The following PCDHGA8 variants were observed in gnomAD, a reference collection of about 807,000 sequenced individuals.
The protein encoded by PCDHGA8 is protocadherin gamma subfamily A, 8.
PCDHGA8 carries 45 observed loss-of-function variants against 59.2 expected under a neutral mutation model. That is an observed-to-expected ratio of 0.76 (90% CI 0.60 to 0.98). The LOEUF is 0.98. PCDHGA8 is among the 50% of genes least tolerant of loss of function. The probability of loss-of-function intolerance (pLI) is 0.00; values close to 1 mark genes in which losing one functional copy is unlikely to be tolerated. For synonymous variants in PCDHGA8, 531 were observed against 519.0 expected (o/e 1.02, Z -0.32); for missense variants, 1,257 against 1,196.2 (o/e 1.05, Z -0.75).
chr5:141,455,928 C>T (rs1160778812), intron 1 of PCDHGA8, among the ~76,000 whole-genome samples: 3 of 151,158 alleles, frequency 2.0e-5, no homozygotes, highest in African/African-American at 4.9e-5. Context: ...GACGGAGTCT[C>T]GCTCTGTCGC....
intron 1 of PCDHGA8, chr5:141,418,379 C>T: frequency 6.2e-7 from 1 of 1,613,966 alleles, no homozygotes; most frequent in Non-Finnish European, 8.5e-7. Flanking sequence ...CCAACTAAGT[C>T]CTAACGAGTA....
At chr5:141,408,879 C>A in intron 1 of PCDHGA8, 1 of 1,613,504 alleles carries the variant, frequency 6.2e-7, no homozygotes. Context: ...AGTGCCACCG[C>A]TCACATAGAA....
At chr5:141,408,901 G>T (rs529239605) in intron 1 of PCDHGA8, 2 of 1,613,100 alleles carry the variant, frequency 1.2e-6, no homozygotes, top group African/African-American at 2.7e-5. Flanking sequence ...TTTCTGTCAA[G>T]GATACCAATG....
intron 1 of PCDHGA8, chr5:141,422,047 A>G: frequency 6.2e-7 from 1 of 1,611,610 alleles, no homozygotes; most frequent in Non-Finnish European, 8.5e-7. Context: ...AGACGAGGGA[A>G]TCAACGGGGA....
intron 1 of PCDHGA8, chr5:141,415,339 C>T (rs776585248): frequency 7.4e-6 from 12 of 1,614,190 alleles, no homozygotes; most frequent in Non-Finnish European, 1.0e-5. Context: ...CAGGCTGCGG[C>T]GCTGGCACAA....
rs761468303 is a variant in PCDHGA8 at position 141,421,659 on chromosome 5, T to C, written c.2424+26422T>C. 4 of 1,613,700 alleles carry C rather than the reference T, an allele frequency of 2.5e-6. No individual in the cohort carries two copies. The Admixed American group carries it at 6.7e-5, about 27-fold the overall frequency. On this transcript the variant is annotated intron_variant, in intron 1 of 3. Transcript: ENST00000398604. ...AGGACGAAGTGGAGATAAAAGTCAG[T>C]GAGCACGCAATTCCTGGGGCGCGAT...
intron 1 of PCDHGA8, chr5:141,415,814 T>G: frequency 7.5e-7 from 1 of 1,330,430 alleles, no homozygotes; most frequent in South Asian, 1.8e-5. Flanking sequence ...AAGGCCTATA[T>G]ATCATAAGGC....
chr5:141,429,955 A>G (rs971940539), intron 1 of PCDHGA8, among the ~76,000 whole-genome samples: 1 of 152,202 alleles, frequency 6.6e-6, no homozygotes, highest in Non-Finnish European at 1.5e-5. Context: ...TTTCCAGTCA[A>G]TGCAAGTTGG....
Position 141,431,697 on chromosome 5 carries a change from G to A in PCDHGA8, c.2424+36460G>A. The A allele has an allele frequency of 6.2e-7, 1 of 1,614,206 alleles. No homozygotes were observed. Among genetic ancestry groups the A allele is most frequent in the South Asian group, 1.1e-5 (1 of 91,084 alleles). On this transcript the variant is annotated intron_variant, in intron 1 of 3. Transcript: ENST00000398604. This position sits in a 1 kb window ranked among gnomAD's most constrained non-coding sequence, Gnocchi z 4.8. Reference sequence around the variant, plus strand: ...GGGGAGTTGGACCACGAGGAGTCAGGATTCTACCAGATGGAAGTGCAAGCA... The same window carrying A: ...GGGGAGTTGGACCACGAGGAGTCAGAATTCTACCAGATGGAAGTGCAAGCA...
At position 141,459,716 on chromosome 5, in the gene PCDHGA8, C is replaced by T. The variant is rs1592633942; in HGVS notation, c.2425-35091C>T. On this transcript the variant is annotated intron_variant, in intron 1 of 3. Coordinates refer to ENST00000398604, the MANE Select transcript of PCDHGA8 (RefSeq NM_032088.2). ...CGCTTGCTACATTTTCTCACCAATG[C>T]TTCCTATTGTCAATTTTTTAAATTT... is the stretch of plus-strand genomic sequence containing the variant. Among the ~76,000 whole-genome samples the T allele has an allele frequency of 2.0e-5, 3 of 152,334 alleles. No homozygotes were observed. In the South Asian group the frequency reaches 6.2e-4, roughly 32 times the overall value.
chr5:141,403,713 A>C (rs2094445702), intron 1 of PCDHGA8: 3 of 1,613,946 alleles, frequency 1.9e-6, no homozygotes, highest in Non-Finnish European at 2.5e-6. Flanking sequence ...GTCCTTGAGA[A>C]CGTGCCCCCA....
At chr5:141,404,806 G>A (rs774487660) in intron 1 of PCDHGA8, 29 of 1,613,874 alleles carry the variant, frequency 1.8e-5, no homozygotes, top group South Asian at 1.3e-4. Context: ...GGCTCTTCTC[G>A]GTGGGGCTGC....
intron 1 of PCDHGA8, chr5:141,403,538 C>T (rs781129314): frequency 1.5e-5 from 24 of 1,613,874 alleles, no homozygotes; most frequent in Non-Finnish European, 1.5e-5. Flanking sequence ...AGAGCTGGTG[C>T]TGGAGCGCGC....
Position 141,418,262 on chromosome 5 carries a change from A to G in PCDHGA8, c.2424+23025A>G. On this transcript the variant is annotated intron_variant, in intron 1 of 3. Transcript: ENST00000398604. Reference sequence around the variant, plus strand: ...TAATGACCACGCCCCTCAATTCCGGAAAGATGAAATAAACTTAGAAATCAG... The same window carrying G: ...TAATGACCACGCCCCTCAATTCCGGGAAGATGAAATAAACTTAGAAATCAG... 2 of 1,614,068 alleles carry G rather than the reference A, an allele frequency of 1.2e-6. No homozygotes were observed. The highest frequency in any genetic ancestry group is 1.7e-6 in the Non-Finnish European group (2 of 1,179,902).
chr5:141,410,435 G>A (rs772158163), intron 1 of PCDHGA8: 1 of 1,614,054 alleles, frequency 6.2e-7, no homozygotes, highest in Non-Finnish European at 8.5e-7. Context: ...CAACTACAGT[G>A]AGGGGACTTT....
intron 3 of PCDHGA8, among the ~76,000 whole-genome samples, chr5:141,506,861 G>A (rs2099856791): frequency 6.6e-6 from 1 of 152,178 alleles, no homozygotes; most frequent in African/African-American, 2.4e-5. Context: ...TGGAGGACTG[G>A]TGGGTAGAGA....
chr5:141,469,296 A>T (rs2099196287), intron 1 of PCDHGA8, among the ~76,000 whole-genome samples: 1 of 149,742 alleles, frequency 6.7e-6, no homozygotes, highest in Non-Finnish European at 1.5e-5. Context: ...AACAAAATAG[A>T]CTGGGCACGA....
chr5:141,418,941 C>T, intron 1 of PCDHGA8: 1 of 1,614,034 alleles, frequency 6.2e-7, no homozygotes, highest in Non-Finnish European at 8.5e-7. Context: ...GAGGATTCCC[C>T]TCCAGGAGTG....
intron 1 of PCDHGA8, chr5:141,471,546 G>T (rs1271594387): frequency 6.6e-6 from 1 of 152,202 alleles, no homozygotes; most frequent in African/African-American, 2.4e-5. Flanking sequence ...AGCATTTAAG[G>T]TTGCTTTGAC....
Sources: gnomAD v4.1 joint callset for allele counts (sites outside exome capture counted in the v4.1 genomes callset) on GRCh38, gnomAD v4.1.1 for gene constraint, Gnocchi (gnomAD v3.1) non-coding constraint, MANE v1.5 for transcripts, NCBI Gene and HGNC (gene_info 2026-07-23, HGNC 2026-07-21) for gene names.